Variants in NDUFB6 observed in about 807,000 individuals in gnomAD.
The protein encoded by NDUFB6 is NADH:ubiquinone oxidoreductase subunit B6.
Under a neutral mutation model 17.5 loss-of-function variants are expected in NDUFB6, and 23 were observed. The observed-to-expected ratio is 1.31, with a 90% CI of 0.94 to 1.86. NDUFB6 has a LOEUF of 1.86. NDUFB6 is among the 40% of genes most tolerant of loss of function. The probability of loss-of-function intolerance (pLI) is 0.00; values close to 1 mark genes in which losing one functional copy is unlikely to be tolerated. For synonymous variants in NDUFB6, 60 were observed against 53.5 expected, an observed-to-expected ratio of 1.12 and a Z score of -0.53; for missense variants, 167 against 153.8, an observed-to-expected ratio of 1.09 and a Z score of -0.46.
At chr9:32,565,798 CCT>C (rs1322723001) in intron 2 of NDUFB6, among the ~76,000 whole-genome samples, 6 of 152,112 alleles carry the variant, frequency 3.9e-5, no homozygotes, top group African/African-American at 1.2e-4. Flanking sequence ...ATGGCGAAAC[CCT>C]GTCTCTACTA....
At position 32,553,239 on chromosome 9, in the gene NDUFB6, G is replaced by A. The variant is rs1391384988; in HGVS notation, c.*637C>T. On this transcript the variant is annotated 3_prime_UTR_variant, in exon 4 of 4. Transcript: ENST00000379847. Reference sequence around the variant, plus strand: ...AGACGGAGTCTTGCTCTGTCGCCCAGGCTCAGTGGCACTATCTCGGCTTAC... The same window carrying A: ...AGACGGAGTCTTGCTCTGTCGCCCAAGCTCAGTGGCACTATCTCGGCTTAC... 8 of 210,550 alleles carry A rather than the reference G, an allele frequency of 3.8e-5. No homozygotes were observed. In the East Asian group the frequency reaches 1.1e-3, roughly 29 times the overall value. 13.0% of individuals were successfully genotyped at this position (210,550 alleles called of 1,614,324 possible).
intron 2 of NDUFB6, chr9:32,566,981 G>A (rs987479284): frequency 1.8e-5 from 9 of 509,228 alleles, no homozygotes; most frequent in Non-Finnish European, 3.5e-5. Flanking sequence ...AGGACGCTTC[G>A]GTCAGCTCCA....
chr9:32,555,543 A>C (rs1456856974), intron 3 of NDUFB6, among the ~76,000 whole-genome samples: 3 of 152,370 alleles, frequency 2.0e-5, no homozygotes, highest in African/African-American at 7.2e-5. Context: ...TGAGACACTG[A>C]CTAGAAGTAA....
intron 2 of NDUFB6, chr9:32,568,466 G>A (rs908445240): frequency 4.0e-5 from 9 of 226,190 alleles, no homozygotes; most frequent in African/African-American, 1.6e-4. Flanking sequence ...AAAGAATTTC[G>A]AATATTACAT....
intron 3 of NDUFB6, among the ~76,000 whole-genome samples, chr9:32,554,421 T>C (rs1226350803): frequency 2.6e-5 from 4 of 152,216 alleles, no homozygotes; most frequent in South Asian, 4.1e-4. Flanking sequence ...CAATTCTTGA[T>C]ATAGATGTGG....
At chr9:32,555,875 T>C (rs1821441660) in intron 3 of NDUFB6, among the ~76,000 whole-genome samples, 1 of 152,246 alleles carries the variant, frequency 6.6e-6, no homozygotes, top group Non-Finnish European at 1.5e-5. Flanking sequence ...CCCATTCAAG[T>C]AATTTCTCAC....
In NDUFB6 at chr9:32,566,894, T is replaced by G. The variant is rs115185217; in HGVS notation, c.273+4066A>C. On this transcript the variant is annotated intron_variant, in intron 2 of 3. Coordinates refer to ENST00000379847, the MANE Select transcript of NDUFB6 (RefSeq NM_002493.5). ...CACGCGTGCGGCTGGCGAAAAGCACTGAGGAAGCACCCGATGTCACTCACA... is the reference window on the plus strand; with the variant it reads ...CACGCGTGCGGCTGGCGAAAAGCACGGAGGAAGCACCCGATGTCACTCACA... 2.0e-3 allele frequency: 1,155 copies of G among 580,792 alleles called. 10 individuals carry two copies. The highest frequency in any genetic ancestry group is 0.019 in the African/African-American group (1,029 of 53,570). 36.0% of individuals were successfully genotyped at this position (580,792 alleles called of 1,614,324 possible).
chr9:32,564,335 C>G (rs908317491), intron 2 of NDUFB6, among the ~76,000 whole-genome samples: 6 of 152,034 alleles, frequency 3.9e-5, no homozygotes, highest in Admixed American at 1.3e-4. Flanking sequence ...CACAGGCATA[C>G]CTTACTTTAT....
intron 2 of NDUFB6, among the ~76,000 whole-genome samples, chr9:32,563,826 C>A (rs1041042210): frequency 6.6e-6 from 1 of 152,178 alleles, no homozygotes; most frequent in Non-Finnish European, 1.5e-5. Context: ...CTATTACTAT[C>A]ATTATTTACT....
chr9:32,566,225 T>A (rs1821784752), intron 2 of NDUFB6: 1 of 879,436 alleles, frequency 1.1e-6, no homozygotes, highest in Non-Finnish European at 1.9e-6. Flanking sequence ...TCATAGCTGG[T>A]TTTGTGGGTG....
At chr9:32,564,529 A>AT (rs1821722942) in intron 2 of NDUFB6, among the ~76,000 whole-genome samples, 1 of 152,074 alleles carries the variant, frequency 6.6e-6, no homozygotes, top group Non-Finnish European at 1.5e-5. Context: ...AAAAAAGTAC[A>AT]TTATAACATG....
chr9:32,553,704 A>T lies in NDUFB6; in HGVS notation c.*172T>A, dbSNP rs1821370850. ...TCTCTCATATTTGTTTAGCATGTCC[A>T]CTTTTTACTTATTGTTAAATTACTC... On this transcript the variant is annotated 3_prime_UTR_variant, in exon 4 of 4. Coordinates refer to ENST00000379847, the MANE Select transcript of NDUFB6 (RefSeq NM_002493.5). The T allele has an allele frequency of 5.3e-6, 3 of 567,380 alleles. No homozygotes were observed. The highest frequency in any genetic ancestry group is 6.7e-5 in the Admixed American group (2 of 29,968). 35.1% of individuals were successfully genotyped at this position (567,380 alleles called of 1,614,324 possible).
Position 32,553,843 on chromosome 9 carries a change from G to A in NDUFB6, c.*33C>T. On this transcript the variant is annotated 3_prime_UTR_variant, in exon 4 of 4. Transcript: ENST00000379847. The stretch of plus-strand genomic sequence containing the variant: ...ATATGGTAATATAGGAACAAACTTA[G>A]GCTCATAAGCCTTTTAACTTTTTAC... 7.2e-7 allele frequency: 1 copy of A among 1,384,328 alleles called. No homozygotes were observed. The highest frequency in any genetic ancestry group is 1.0e-6 in the Non-Finnish European group (1 of 979,356). The allele number at this position is 1,384,328 out of a possible 1,614,324, so 85.8% of individuals were successfully genotyped here.
At chr9:32,563,491 C>CTTTTTTTTTTTTTTTT (rs111646430) in intron 2 of NDUFB6, among the ~76,000 whole-genome samples, 1,532 of 91,612 alleles carry the variant, frequency 0.017, 213 homozygotes, top group Middle Eastern at 0.034. Flanking sequence ...GACTATTGGG[C>CTTTTTTTTTTTTTTTT]TTTTTTTTTT....
intron 2 of NDUFB6, among the ~76,000 whole-genome samples, chr9:32,563,822 C>T (rs542756998): frequency 9.7e-4 from 147 of 152,302 alleles, no homozygotes; most frequent in African/African-American, 3.4e-3. Context: ...TCATCTATTA[C>T]TATCATTATT....
intron 3 of NDUFB6, among the ~76,000 whole-genome samples, 159 bp downstream of exon 3, chr9:32,558,751 T>G (rs189172651): frequency 6.6e-4 from 101 of 152,202 alleles, no homozygotes; most frequent in African/African-American, 1.5e-3. Flanking sequence ...TTCCTGTTTT[T>G]TTTTGTTTTG....
At chr9:32,561,183 G>C (rs1279157964) in intron 2 of NDUFB6, among the ~76,000 whole-genome samples, 1 of 152,116 alleles carries the variant, frequency 6.6e-6, no homozygotes, top group Non-Finnish European at 1.5e-5. Flanking sequence ...GTTTGTGTTG[G>C]TTTGTAATGT....
At chr9:32,562,100 T>C (rs1380825244) in intron 2 of NDUFB6, among the ~76,000 whole-genome samples, 2 of 152,230 alleles carry the variant, frequency 1.3e-5, no homozygotes, top group African/African-American at 4.8e-5. Flanking sequence ...CCTTCCATTC[T>C]AGTCAGCTCC....
intron 2 of NDUFB6, among the ~76,000 whole-genome samples, chr9:32,565,873 G>A (rs1000936408): frequency 1.3e-5 from 2 of 152,142 alleles, no homozygotes; most frequent in African/African-American, 4.8e-5. Flanking sequence ...TTGGGAGGTT[G>A]AGGCAGGAGA....
Sources: gnomAD v4.1 joint callset for allele counts (sites outside exome capture counted in the v4.1 genomes callset) on GRCh38, gnomAD v4.1.1 for gene constraint, MANE v1.5 for transcripts, NCBI Gene and HGNC (gene_info 2026-07-23, HGNC 2026-07-21) for gene names.